The following CLYBL variants were observed in gnomAD, a reference collection of about 807,000 sequenced individuals.
CLYBL encodes the protein citramalyl-CoA lyase, also known as citramalyl-CoA lyase, mitochondrial.
Under a neutral mutation model 38.9 loss-of-function variants are expected in CLYBL, and 31 were observed. The ratio of observed to expected loss-of-function variants is 0.80; its 90% CI spans 0.60 to 1.08. The LOEUF is 1.08. CLYBL is among the 50% of genes least tolerant of loss of function. The probability of loss-of-function intolerance (pLI) is 0.00; values close to 1 mark genes in which losing one functional copy is unlikely to be tolerated. For missense variants in CLYBL, 434 were observed against 411.6 expected (o/e 1.05, Z -0.47); for synonymous variants, 171 against 158.6 (o/e 1.08, Z -0.59).
chr13:99,817,269 AGAAAGGAGAG>A (rs1471886775), intron 2 of CLYBL, among the ~76,000 whole-genome samples: 1 of 152,172 alleles, frequency 6.6e-6, no homozygotes, highest in Non-Finnish European at 1.5e-5. Flanking sequence ...TGAGAGAGAG[AGAAAGGAGAG>A]GAAAGGAGAC....
At chr13:99,716,782 C>A (rs868700356) in intron 1 of CLYBL, among the ~76,000 whole-genome samples, 4 of 128,362 alleles carry the variant, frequency 3.1e-5, no homozygotes, top group Non-Finnish European at 3.4e-5. Context: ...AATTTCTTTT[C>A]TTTTCTTTTT....
intron 2 of CLYBL, among the ~76,000 whole-genome samples, chr13:99,856,839 A>T (rs993676660): frequency 2.0e-5 from 3 of 151,368 alleles, no homozygotes; most frequent in Admixed American, 6.6e-5. Flanking sequence ...GGGTTTCACC[A>T]TGTTGGCCAG....
intron 2 of CLYBL, among the ~76,000 whole-genome samples, chr13:99,790,146 T>G (rs1436280286): frequency 5.3e-5 from 8 of 152,162 alleles, no homozygotes; most frequent in Admixed American, 3.9e-4. Flanking sequence ...CTTGACTCTT[T>G]ATCCAATTTG....
intron 2 of CLYBL, among the ~76,000 whole-genome samples, chr13:99,825,225 G>A (rs1263519170): frequency 6.6e-6 from 1 of 152,146 alleles, no homozygotes. Flanking sequence ...TAGAACTAGG[G>A]GTGGAAGATC....
intron 3 of CLYBL, 122 bp downstream of exon 3, chr13:99,859,171 G>A: frequency 4.5e-6 from 3 of 668,384 alleles, no homozygotes; most frequent in African/African-American, 3.7e-5. Flanking sequence ...AGGGAATTGA[G>A]AAAAAGCAGT....
intron 1 of CLYBL, among the ~76,000 whole-genome samples, chr13:99,620,792 A>G (rs866259120): frequency 3.3e-5 from 5 of 150,398 alleles, no homozygotes; most frequent in Admixed American, 2.0e-4. Flanking sequence ...GAAAGAAAGA[A>G]AAAGAGAGAG....
rs1185832320 is a variant in CLYBL at position 99,865,516 on chromosome 13, C to T, written c.634+605C>T. Among the ~76,000 whole-genome samples the T allele has an allele frequency of 6.6e-6, 1 of 152,148 alleles. No homozygotes were observed. The highest frequency in any genetic ancestry group is 1.5e-5 in the Non-Finnish European group (1 of 68,028). On this transcript the variant is annotated intron_variant, in intron 5 of 8. Transcript: ENST00000339105. This position sits in a 1 kb window ranked among gnomAD's most constrained non-coding sequence, Gnocchi z 4.7. Reference sequence around the variant, plus strand: ...GACCGTGAAGCATTTAGAAAAGAGGCCGAGGCCACAGAAACCAGCCCCAGT... The same window carrying T: ...GACCGTGAAGCATTTAGAAAAGAGGTCGAGGCCACAGAAACCAGCCCCAGT...
At chr13:99,895,431 G>T (rs999524874), downstream of CLYBL, 3 of 152,380 alleles carry the variant, frequency 2.0e-5, no homozygotes, top group South Asian at 6.2e-4. Context: ...GGTGTGACCC[G>T]CGGAGCCGCT....
At chr13:99,630,284 C>T (rs2046925029) in intron 1 of CLYBL, among the ~76,000 whole-genome samples, 1 of 152,118 alleles carries the variant, frequency 6.6e-6, no homozygotes, top group Admixed American at 6.5e-5. Flanking sequence ...CTTTCAAATC[C>T]ATTCCTTTTA....
chr13:99,705,089 C>T (rs897539939), intron 1 of CLYBL, among the ~76,000 whole-genome samples: 15 of 152,066 alleles, frequency 9.9e-5, no homozygotes, highest in African/African-American at 4.8e-5. Context: ...AAGCATATAC[C>T]GAAAAGTGTT....
At chr13:99,790,300 C>G (rs1288516894) in intron 2 of CLYBL, among the ~76,000 whole-genome samples, 1 of 152,180 alleles carries the variant, frequency 6.6e-6, no homozygotes, top group African/African-American at 2.4e-5. Flanking sequence ...CCTCAATGGT[C>G]TTTACAATTT....
chr13:99,761,473 C>T (rs1160139404), intron 1 of CLYBL, among the ~76,000 whole-genome samples: 1 of 152,192 alleles, frequency 6.6e-6, no homozygotes, highest in Non-Finnish European at 1.5e-5. Context: ...GTAATGACCT[C>T]CAGTACAATC....
At chr13:99,786,451 G>A (rs2049797441) in intron 2 of CLYBL, among the ~76,000 whole-genome samples, 1 of 152,096 alleles carries the variant, frequency 6.6e-6, no homozygotes, top group Admixed American at 6.5e-5. Context: ...GTGAGAACAT[G>A]CGGTGTTTGG....
chr13:99,806,393 A>G (rs1028507548), intron 2 of CLYBL, among the ~76,000 whole-genome samples: 12 of 152,182 alleles, frequency 7.9e-5, no homozygotes, highest in Admixed American at 1.3e-4. Context: ...CATGGTTTCC[A>G]TATGCTTAGT....
chr13:99,648,748 C>T lies in CLYBL; in HGVS notation c.62+41991C>T, dbSNP rs1444143061. On this transcript the variant is annotated intron_variant, in intron 1 of 8. Coordinates refer to ENST00000339105, the MANE Select transcript of CLYBL (RefSeq NM_206808.5). Reference sequence around the variant, plus strand: ...GAAAATGTACTTTTCTTACTCCTTTCTTGAACTGATAATAGAATGTTAGCT... The same window carrying T: ...GAAAATGTACTTTTCTTACTCCTTTTTTGAACTGATAATAGAATGTTAGCT... 2.6e-5 allele frequency among the ~76,000 whole-genome samples: 4 copies of T among 152,088 alleles called. No individual in the cohort carries two copies. The East Asian group carries it at 7.7e-4, about 29-fold the overall frequency.
chr13:99,837,714 G>C (rs899328885), intron 2 of CLYBL, among the ~76,000 whole-genome samples: 1 of 152,156 alleles, frequency 6.6e-6, no homozygotes, highest in African/African-American at 2.4e-5. Context: ...GGCACTGTTT[G>C]CCCAATAGGC....
In CLYBL at chr13:99,866,384, A is replaced by G. The variant is rs769401692; in HGVS notation, c.779A>G (p.Glu260Gly). The change falls in exon 6 of 9, where the codon GAA becomes GGA. Residue 260 changes from glutamate to glycine, a missense_variant. Transcript: ENST00000339105. Reference protein sequence around the residue: ...DGAGLLRQSREGAAMGFTGKQ... With the variant: ...DGAGLLRQSRGGAAMGFTGKQ... ...GCTGGGCTGCTTAGACAGTCACGAG[A>G]AGGAGCCGCCATGGGCTTCACTGGT... is the stretch of plus-strand genomic sequence containing the variant. The G allele has an allele frequency of 6.2e-7, 1 of 1,613,788 alleles. No individual in the cohort carries two copies. Among genetic ancestry groups the G allele is most frequent in the South Asian group, 1.1e-5 (1 of 90,984 alleles).
intron 2 of CLYBL, among the ~76,000 whole-genome samples, chr13:99,837,482 C>T (rs1324063296): frequency 2.0e-5 from 3 of 152,134 alleles, no homozygotes. Context: ...AAAAAACAGT[C>T]ATGATATAGG....
At position 99,849,585 on chromosome 13, in the gene CLYBL, A is replaced by C. The variant is rs959195559; in HGVS notation, c.250-9276A>C. On this transcript the variant is annotated intron_variant, in intron 2 of 8. Coordinates refer to ENST00000339105, the MANE Select transcript of CLYBL (RefSeq NM_206808.5). This position sits in a 1 kb window ranked among gnomAD's most constrained non-coding sequence, Gnocchi z 4.9. ...CATAAAACATCGGCAGTGCCCGCCC[A>C]CCAAGGGCATCTTCTCAGCACCAGC... Among the ~76,000 whole-genome samples, 3 of 152,246 alleles carry C rather than the reference A, an allele frequency of 2.0e-5. No homozygotes were observed. Among genetic ancestry groups the C allele is most frequent in the Non-Finnish European group, 4.4e-5 (3 of 68,052 alleles).
Sources: gnomAD v4.1 joint callset for allele counts (sites outside exome capture counted in the v4.1 genomes callset) on GRCh38, gnomAD v4.1.1 for gene constraint, Gnocchi (gnomAD v3.1) non-coding constraint, MANE v1.5 for transcripts, NCBI Gene and HGNC (gene_info 2026-07-23, HGNC 2026-07-21) for gene names.